The following THAP5 variants were observed in gnomAD, a reference collection of about 807,000 sequenced individuals.
THAP5 encodes THAP domain containing 5.
Under a neutral mutation model 34.0 loss-of-function variants are expected in THAP5, and 26 were observed. The ratio of observed to expected loss-of-function variants is 0.77; its 90% CI spans 0.56 to 1.06. The LOEUF (loss-of-function observed/expected upper bound fraction) is 1.06. Ranked by LOEUF, THAP5 falls within the 50% of genes least tolerant of loss-of-function variation. The pLI, the probability that THAP5 is intolerant of heterozygous loss-of-function variation, is 0.00. For synonymous variants in THAP5, 125 were observed against 153.0 expected, an observed-to-expected ratio of 0.82 and a Z score of 1.35; for missense variants, 394 against 452.8, an observed-to-expected ratio of 0.87 and a Z score of 1.18.
downstream of THAP5, among the ~76,000 whole-genome samples, chr7:108,550,414 T>C (rs766272099): frequency 6.6e-6 from 1 of 152,222 alleles, no homozygotes; most frequent in East Asian, 1.9e-4. Context: ...TGGAAATACA[T>C]GTTCAGGTCC....
chr7:108,566,999 T>G (rs967046359), intron 1 of THAP5, among the ~76,000 whole-genome samples: 1 of 152,202 alleles, frequency 6.6e-6, no homozygotes, highest in African/African-American at 2.4e-5. Flanking sequence ...AGGTTTCTCA[T>G]ATAAAATGTA....
chr7:108,556,981 G>A (rs1032200129), intron 1 of THAP5, among the ~76,000 whole-genome samples: 2 of 152,222 alleles, frequency 1.3e-5, no homozygotes, highest in Admixed American at 1.3e-4. Flanking sequence ...CACACCCACA[G>A]TCCCAACACC....
At chr7:108,569,352 C>T (rs1790559953) in intron 1 of THAP5, 138 bp downstream of exon 1, 1 of 1,494,578 alleles carries the variant, frequency 6.7e-7, no homozygotes, top group Non-Finnish European at 8.9e-7. Flanking sequence ...GCCTTCCCTC[C>T]GTCTTGCCGC....
chr7:108,560,399 C>T (rs1225198968), downstream of THAP5, among the ~76,000 whole-genome samples: 1 of 152,130 alleles, frequency 6.6e-6, no homozygotes, highest in Non-Finnish European at 1.5e-5. Context: ...GTGACCCTTC[C>T]CCATCATATT....
chr7:108,564,594 T>C lies in THAP5; in HGVS notation c.785A>G (p.Glu262Gly), dbSNP rs1156338798. The C allele has an allele frequency of 6.2e-7, 1 of 1,613,952 alleles. No homozygotes were observed. The highest frequency in any genetic ancestry group is 1.7e-5 in the Admixed American group (1 of 60,024). ...FLFSTINQTV[E>G]ELNTNKESVI... ...AGATTCTTTATTTGTGTTTAATTCT[T>C]CAACTGTTTGATTAATTGTGCTGAA... is the stretch of plus-strand genomic sequence containing the variant. Residue 262 changes from glutamate (E) to glycine (G), a missense_variant, in exon 3 of 3, where the codon GAA becomes GGA. Glu to Gly is a moderately conservative substitution (Grantham distance 98, BLOSUM62 -2). Transcript: ENST00000415914.
chr7:108,565,570 AC>A (rs1263567371), intron 2 of THAP5: 1,285 of 246,846 alleles, frequency 5.2e-3, no homozygotes, highest in Non-Finnish European at 7.5e-3. Flanking sequence ...CTTGTCTCAA[AC>A]AAAAAAAGTA....
At chr7:108,552,723 C>A (rs1410619475), downstream of THAP5, among the ~76,000 whole-genome samples, 1 of 152,100 alleles carries the variant, frequency 6.6e-6, no homozygotes, top group Non-Finnish European at 1.5e-5. Context: ...TTGCTTGAAC[C>A]CGGGAGGCAG....
Position 108,562,240 on chromosome 7 carries a change from T to A in THAP5, c.*1951A>T, listed in dbSNP as rs1323246302. 6.6e-6 allele frequency: 1 copy of A among 151,952 alleles called. No individual in the cohort carries two copies. Among genetic ancestry groups the A allele is most frequent in the Non-Finnish European group, 1.5e-5 (1 of 67,998 alleles). 9.4% of individuals were successfully genotyped at this position (151,952 alleles called of 1,614,324 possible). A position where few individuals can be genotyped will look rare whatever the true frequency, so the allele number is the denominator to read the frequency against. ...CAATGTACACTGTTGAAACTTAACA[T>A]ATCATTACTTTATTGTGACTCAAGA... On this transcript the variant is annotated 3_prime_UTR_variant, in exon 3 of 3. Transcript: ENST00000415914.
chr7:108,555,282 A>T (rs560887395), intron 1 of THAP5, among the ~76,000 whole-genome samples: 2 of 151,964 alleles, frequency 1.3e-5, no homozygotes, highest in South Asian at 4.2e-4. Context: ...CTCCTGCCTC[A>T]GCCTCCCAAG....
At chr7:108,568,334 C>T (rs1334117222) in intron 1 of THAP5, 1 of 152,492 alleles carries the variant, frequency 6.6e-6, no homozygotes, top group Non-Finnish European at 1.5e-5. Flanking sequence ...GCCTCCCGAG[C>T]AGCTGAGATC....
At chr7:108,547,896 GGT>G in the THAP5 span, among the ~76,000 whole-genome samples, 2 of 152,102 alleles carry the variant, frequency 1.3e-5, no homozygotes, top group Non-Finnish European at 2.9e-5. Context: ...CCTGAGCAGT[GGT>G]GTTTAAATTT....
rs888912893 is a variant in THAP5, at chr7:108,563,168, A to C, written c.*1023T>G. ...AAGTTACCGAAATACATATTCTTTC[A>C]AGTTTGAAGTACCTCTCCTAAGAAC... On this transcript the variant is annotated 3_prime_UTR_variant, in exon 3 of 3. Coordinates refer to ENST00000415914, the MANE Select transcript of THAP5 (RefSeq NM_001130475.3). 4 of 152,202 alleles carry C rather than the reference A, an allele frequency of 2.6e-5. No individual in the cohort carries two copies. The highest frequency in any genetic ancestry group is 4.8e-5 in the African/African-American group (2 of 41,454). 9.4% of individuals were successfully genotyped at this position (152,202 alleles called of 1,614,324 possible).
the THAP5 span, among the ~76,000 whole-genome samples, chr7:108,544,267 C>A: frequency 1.3e-5 from 2 of 152,056 alleles, no homozygotes; most frequent in African/African-American, 4.8e-5. Flanking sequence ...TGGTTTACAT[C>A]TGTAATCCCA....
At chr7:108,565,749 CT>C in intron 2 of THAP5, 80 bp downstream of exon 2, 1 of 1,132,732 alleles carries the variant, frequency 8.8e-7, no homozygotes, top group Non-Finnish European at 1.2e-6. Context: ...TTATAGTTCC[CT>C]CTTACTCTCC....
chr7:108,567,416 T>C (rs1284019685), intron 1 of THAP5, among the ~76,000 whole-genome samples: 3 of 152,192 alleles, frequency 2.0e-5, no homozygotes, highest in Admixed American at 1.3e-4. Flanking sequence ...TGTAAATTCA[T>C]GTATATGGAT....
the THAP5 span, among the ~76,000 whole-genome samples, chr7:108,544,112 C>A: frequency 2.1e-3 from 324 of 152,216 alleles, 1 homozygote; most frequent in African/African-American, 7.4e-3. Flanking sequence ...CATTTGTTTT[C>A]AAAAACTTCT....
downstream of THAP5, among the ~76,000 whole-genome samples, chr7:108,558,912 C>A (rs1010411268): frequency 6.6e-6 from 1 of 152,048 alleles, no homozygotes; most frequent in Non-Finnish European, 1.5e-5. Flanking sequence ...ATTTTGCTTG[C>A]TTATGTTAAA....
chr7:108,543,955 A>G, the THAP5 span, among the ~76,000 whole-genome samples: 1 of 152,198 alleles, frequency 6.6e-6, no homozygotes, highest in African/African-American at 2.4e-5. Flanking sequence ...AGGCTGGGCT[A>G]AAATATAAAA....
At chr7:108,567,641 G>T (rs1599014319) in intron 1 of THAP5, among the ~76,000 whole-genome samples, 2 of 152,062 alleles carry the variant, frequency 1.3e-5, no homozygotes, top group East Asian at 3.8e-4. Context: ...TCCCCAAAAG[G>T]CATAAGATAA....
Sources: allele counts gnomAD v4.1 joint callset (sites outside exome capture counted in the v4.1 genomes callset), GRCh38; gene constraint gnomAD v4.1.1; transcripts MANE v1.5; gene names NCBI Gene and HGNC (gene_info 2026-07-23, HGNC 2026-07-21).